Variants in GPC6 observed in about 807,000 individuals in gnomAD.
GPC6 encodes the protein glypican-6.
GPC6 carries 14 observed loss-of-function variants against 55.2 expected under a neutral mutation model. The observed-to-expected ratio is 0.25, with a 90% CI of 0.17 to 0.40. The LOEUF (loss-of-function observed/expected upper bound fraction) is 0.40. GPC6 is among the 10% of genes least tolerant of loss of function. GPC6 has a pLI of 1.00. For missense variants in GPC6, 641 were observed against 708.5 expected (o/e 0.90, Z 1.08); for synonymous variants, 278 against 259.6 (o/e 1.07, Z -0.68).
At chr13:94,302,547 T>C (rs549522232) in intron 5 of GPC6, among the ~76,000 whole-genome samples, 1 of 152,372 alleles carries the variant, frequency 6.6e-6, no homozygotes, top group Admixed American at 6.5e-5. Context: ...GTCATCTAAG[T>C]TATATGATGG....
At chr13:93,886,020 C>T (rs954079464) in intron 3 of GPC6, among the ~76,000 whole-genome samples, 6 of 151,986 alleles carry the variant, frequency 3.9e-5, no homozygotes, top group African/African-American at 1.2e-4. Flanking sequence ...GAAGGCTCTG[C>T]ACAGTTATTT....
In GPC6 at chr13:93,437,764, A is replaced by T. The variant is rs189695857; in HGVS notation, c.161-107499A>T. Among the ~76,000 whole-genome samples the T allele has an allele frequency of 2.1e-4, 32 of 152,298 alleles. 1 individual carries two copies. The East Asian group carries it at 4.8e-3, about 23-fold the overall frequency. ...GTAGCAAGTTATCCAGAAAAATAGAACTAAGATAACTGATGAAGATAGCTA... is the reference window on the plus strand; with the variant it reads ...GTAGCAAGTTATCCAGAAAAATAGATCTAAGATAACTGATGAAGATAGCTA... On this transcript the variant is annotated intron_variant, in intron 1 of 8. Coordinates refer to ENST00000377047, the MANE Select transcript of GPC6 (RefSeq NM_005708.5).
chr13:94,036,217 T>A (rs1480024790), intron 4 of GPC6, among the ~76,000 whole-genome samples: 1 of 152,044 alleles, frequency 6.6e-6, no homozygotes, highest in Admixed American at 6.6e-5. Flanking sequence ...AGATACTTGG[T>A]CAGATATCCA....
At chr13:93,617,894 C>T (rs982165388) in intron 2 of GPC6, among the ~76,000 whole-genome samples, 1 of 151,988 alleles carries the variant, frequency 6.6e-6, no homozygotes, top group African/African-American at 2.4e-5. Flanking sequence ...TTATTCCTTA[C>T]ATATACTAAA....
intron 4 of GPC6, among the ~76,000 whole-genome samples, chr13:94,101,303 T>C (rs1287009540): frequency 6.6e-6 from 1 of 152,182 alleles, no homozygotes; most frequent in Non-Finnish European, 1.5e-5. Context: ...CCATTAAAGG[T>C]ACTGAATTGT....
intron 1 of GPC6, among the ~76,000 whole-genome samples, chr13:93,357,948 G>A (rs1429889258): frequency 2.0e-5 from 3 of 152,216 alleles, no homozygotes; most frequent in Non-Finnish European, 2.9e-5. Flanking sequence ...GAAGAACCAG[G>A]AAGTGACTGC....
chr13:93,641,285 C>CCTG (rs55888326), intron 2 of GPC6, among the ~76,000 whole-genome samples: 37 of 151,318 alleles, frequency 2.4e-4, no homozygotes, highest in African/African-American at 8.5e-4. Flanking sequence ...TTAATGTCCT[C>CCTG]TCCTGAAAAA....
intron 1 of GPC6, among the ~76,000 whole-genome samples, chr13:93,340,421 A>G (rs1236351466): frequency 1.3e-5 from 2 of 152,238 alleles, no homozygotes; most frequent in Non-Finnish European, 2.9e-5. Context: ...CCACACTTTT[A>G]TAGGTCTTGT....
At chr13:93,945,714 G>A (rs543349774) in intron 3 of GPC6, among the ~76,000 whole-genome samples, 12 of 152,266 alleles carry the variant, frequency 7.9e-5, no homozygotes, top group African/African-American at 1.7e-4. Context: ...TTCTGTTGTC[G>A]TATATGATTT....
At chr13:93,959,175 T>TC (rs35399882) in intron 3 of GPC6, among the ~76,000 whole-genome samples, 13 of 151,434 alleles carry the variant, frequency 8.6e-5, no homozygotes, top group East Asian at 7.8e-4. Context: ...TTTTTTTTTT[T>TC]CCCTTGAGGC....
chr13:94,209,815 G>T lies in GPC6; in HGVS notation c.878-76534G>T, dbSNP rs573864295. On this transcript the variant is annotated intron_variant, in intron 4 of 8. Transcript: ENST00000377047. The stretch of plus-strand genomic sequence containing the variant: ...GAGTGTTCATTGTACCATTTTTTCT[G>T]TAAGTTTAATTTTTAATTTTTATTA... Among the ~76,000 whole-genome samples the T allele has an allele frequency of 2.6e-4, 39 of 151,990 alleles. No individual in the cohort carries two copies. The South Asian group carries it at 7.3e-3, about 28-fold the overall frequency.
chr13:94,402,789 C>T (rs1881198867), intron 8 of GPC6, among the ~76,000 whole-genome samples: 3 of 152,134 alleles, frequency 2.0e-5, no homozygotes, highest in African/African-American at 4.8e-5. Flanking sequence ...AGTGCCAAGC[C>T]GTGGGGGAAG....
At chr13:94,306,991 C>G (rs973398036) in intron 6 of GPC6, among the ~76,000 whole-genome samples, 2 of 152,172 alleles carry the variant, frequency 1.3e-5, no homozygotes, top group African/African-American at 2.4e-5. Context: ...AAACTTAGAT[C>G]TCAAAGACTG....
intron 2 of GPC6, among the ~76,000 whole-genome samples, chr13:93,699,219 C>A (rs985896650): frequency 6.6e-6 from 1 of 151,812 alleles, no homozygotes; most frequent in East Asian, 1.9e-4. Context: ...GCCAAGATTG[C>A]GAAGTTTAAG....
rs140727109 is a variant in GPC6, at chr13:93,769,225, A to C, written c.320-60929A>C. On this transcript the variant is annotated intron_variant, in intron 2 of 8. Transcript: ENST00000377047. ...TCTTCAATGGCCATGTGAGAACAGA[A>C]GGAAAATTTCTTCTCAGAGAAGACA... Among the ~76,000 whole-genome samples, 12 of 152,274 alleles carry C rather than the reference A, an allele frequency of 7.9e-5. No individual in the cohort carries two copies. In the East Asian group the frequency reaches 2.3e-3, roughly 29 times the overall value.
rs1030771443 is a variant in GPC6, at chr13:94,403,080, G to C, written c.1531G>C (p.Glu511Gln). ...GGATGACGTGTGTCCCACGGAGTTT[G>C]AGTTTGTCACCACAGAGGCCCCCGC... ...CMDDVCPTEF[E>Q]FVTTEAPAVD... Residue 511 changes from glutamate (E) to glutamine (Q), a missense_variant, in exon 9 of 9, where the codon GAG (glutamate) becomes CAG (glutamine). Physicochemically the swap from Glu to Gln is conservative, Grantham distance 29. Transcript: ENST00000377047. 6.2e-7 allele frequency: 1 copy of C among 1,613,974 alleles called. No homozygotes were observed. The highest frequency in any genetic ancestry group is 1.7e-4 in the Middle Eastern group (1 of 6,060).
At chr13:94,215,979 T>C (rs1282439396) in intron 4 of GPC6, among the ~76,000 whole-genome samples, 1 of 85,064 alleles carries the variant, frequency 1.2e-5, no homozygotes, top group African/African-American at 4.5e-5. Context: ...GTATTTCAAA[T>C]ATGTTTTTTA....
At chr13:93,830,076 A>C (rs1594496777) in intron 2 of GPC6, 78 bp from the exon 3 acceptor site, 1 of 934,512 alleles carries the variant, frequency 1.1e-6, no homozygotes, top group East Asian at 2.4e-5. Flanking sequence ...AATTAAAAGC[A>C]GTTGTACTTA....
chr13:94,105,567 A>G (rs769134395), intron 4 of GPC6, among the ~76,000 whole-genome samples: 1 of 152,352 alleles, frequency 6.6e-6, no homozygotes, highest in East Asian at 1.9e-4. Context: ...GTATAACCTC[A>G]GGACCTTTGA....
Sources: allele counts gnomAD v4.1 joint callset (sites outside exome capture counted in the v4.1 genomes callset), GRCh38; gene constraint gnomAD v4.1.1; transcripts MANE v1.5; gene names NCBI Gene and HGNC (gene_info 2026-07-23, HGNC 2026-07-21).